Variants in PANK3 observed in about 807,000 individuals in gnomAD.
PANK3 encodes pantothenate kinase 3.
A neutral mutation model predicts 39.4 loss-of-function variants in PANK3; 20 were observed. The observed-to-expected ratio is 0.51, with a 90% CI of 0.36 to 0.74. The LOEUF is 0.74. Ranked by LOEUF, PANK3 falls within the 30% of genes least tolerant of loss-of-function variation. The pLI is 0.00. For missense variants in PANK3, 265 were observed against 437.0 expected, an observed-to-expected ratio of 0.61 and a Z score of 3.51; for synonymous variants, 140 against 157.3, an observed-to-expected ratio of 0.89 and a Z score of 0.82.
In PANK3 at chr5:168,556,503, C is replaced by A. The variant is rs1022713285; in HGVS notation, c.*1068G>T. On this transcript the variant is annotated 3_prime_UTR_variant, in exon 7 of 7. Transcript: ENST00000239231. ...TTGCCAATAACAGTATTTTAGTTAT[C>A]AGGTCTCACCATTCCCTCTGGTTGT... The A allele has an allele frequency of 2.0e-5, 3 of 152,622 alleles. No homozygotes were observed. The highest frequency in any genetic ancestry group is 7.2e-5 in the African/African-American group (3 of 41,538). 9.5% of individuals were successfully genotyped at this position (152,622 alleles called of 1,614,324 possible).
intron 5 of PANK3, among the ~76,000 whole-genome samples, chr5:168,561,190 A>C (rs988072130): frequency 6.6e-6 from 1 of 152,172 alleles, no homozygotes; most frequent in Non-Finnish European, 1.5e-5. Context: ...CTCCTATTTC[A>C]ATTTGAATTA....
At chr5:168,563,645 T>C (rs1759479218) in intron 4 of PANK3, among the ~76,000 whole-genome samples, 1 of 151,118 alleles carries the variant, frequency 6.6e-6, no homozygotes, top group Admixed American at 6.6e-5. Flanking sequence ...TATGTATTTG[T>C]ATTTGCATAA....
rs1759398576 is a variant in PANK3 at position 168,558,965 on chromosome 5, C to CAGAGCA, written c.1062+61_1062+66dup. 2.7e-6 allele frequency: 4 copies of CAGAGCA among 1,472,972 alleles called. No homozygotes were observed. The East Asian group carries it at 9.5e-5, about 35-fold the overall frequency. The allele number at this position is 1,472,972 out of a possible 1,614,324, so 91.2% of individuals were successfully genotyped here. A position where few individuals can be genotyped will look rare whatever the true frequency, so the allele number is the denominator to read the frequency against. ...TGCCACTAAACTCAAGCCTGAGTGA[C>CAGAGCA]AGAGCAAGACCCTGTCTCTTAAAAA... On this transcript the variant is annotated intron_variant, in intron 6 of 6. Coordinates refer to ENST00000239231, the MANE Select transcript of PANK3 (RefSeq NM_024594.4).
rs1759265810 is a variant in PANK3, at chr5:168,551,014, A to G, written c.*6557T>C. 6.6e-6 allele frequency: 1 copy of G among 152,188 alleles called. No homozygotes were observed. The highest frequency in any genetic ancestry group is 2.4e-5 in the African/African-American group (1 of 41,458). 9.4% of individuals were successfully genotyped at this position (152,188 alleles called of 1,614,324 possible). On this transcript the variant is annotated 3_prime_UTR_variant, in exon 7 of 7. Transcript: ENST00000239231. ...TGGAAATTAATTATTCAAAATTTAG[A>G]TATGTCAGAAAAGCTGGGATGATTG...
Position 168,556,605 on chromosome 5 carries a change from C to T in PANK3, c.*966G>A, listed in dbSNP as rs1759353942. On this transcript the variant is annotated 3_prime_UTR_variant, in exon 7 of 7. Coordinates refer to ENST00000239231, the MANE Select transcript of PANK3 (RefSeq NM_024594.4). Reference sequence around the variant, plus strand: ...AAGTGACCGTCCTCTAACTGCACCTCTATTTCTGGCTCCTCAAACAGCAAA... The same window carrying T: ...AAGTGACCGTCCTCTAACTGCACCTTTATTTCTGGCTCCTCAAACAGCAAA... The T allele has an allele frequency of 2.0e-5, 3 of 152,748 alleles. No individual in the cohort carries two copies. Among genetic ancestry groups the T allele is most frequent in the African/African-American group, 7.2e-5 (3 of 41,554 alleles). 9.5% of individuals were successfully genotyped at this position (152,748 alleles called of 1,614,324 possible). A position where few individuals can be genotyped will look rare whatever the true frequency, so the allele number is the denominator to read the frequency against.
rs1426524740 is a variant in PANK3, at chr5:168,549,378, T to C, written c.*8193A>G. ...TGAAATTCAGACATACAATGTAAAG[T>C]TGAAATAATCCCAAATTATTTTACA... On this transcript the variant is annotated 3_prime_UTR_variant, in exon 7 of 7. Transcript: ENST00000239231. 6.6e-6 allele frequency: 1 copy of C among 152,168 alleles called. No individual in the cohort carries two copies. Among genetic ancestry groups the C allele is most frequent in the Non-Finnish European group, 1.5e-5 (1 of 68,032 alleles). 9.4% of individuals were successfully genotyped at this position (152,168 alleles called of 1,614,324 possible).
Position 168,563,874 on chromosome 5 carries a change from A to T in PANK3, c.812+15T>A. The T allele has an allele frequency of 6.4e-7, 1 of 1,560,648 alleles. No homozygotes were observed. Among genetic ancestry groups the T allele is most frequent in the Non-Finnish European group, 8.7e-7 (1 of 1,155,350 alleles). ...TTAACTTCTGTAACTTAAATAACAC[A>T]AATGTTAAACTTACCTAGATGCTAC... On this transcript the variant is annotated intron_variant, in intron 4 of 6. Coordinates refer to ENST00000239231, the MANE Select transcript of PANK3 (RefSeq NM_024594.4).
chr5:168,565,026 G>A (rs992910911), intron 3 of PANK3, among the ~76,000 whole-genome samples: 2 of 152,202 alleles, frequency 1.3e-5, no homozygotes, highest in African/African-American at 4.8e-5. Context: ...CTGAATCACT[G>A]TTGGATTTAG....
intron 6 of PANK3, among the ~76,000 whole-genome samples, chr5:168,557,832 T>G (rs947256715): frequency 6.6e-6 from 1 of 152,204 alleles, no homozygotes; most frequent in Non-Finnish European, 1.5e-5. Flanking sequence ...TTATTTATTA[T>G]TATTATTTTT....
rs1488295785 is a variant in PANK3 at position 168,551,538 on chromosome 5, T to A, written c.*6033A>T. ...ATACAATATGAAAAAACTTTGCTTA[T>A]AATATACAGAGTGGTTATAAAGAAC... On this transcript the variant is annotated 3_prime_UTR_variant, in exon 7 of 7. Coordinates refer to ENST00000239231, the MANE Select transcript of PANK3 (RefSeq NM_024594.4). The A allele has an allele frequency of 6.6e-6, 1 of 152,298 alleles. No individual in the cohort carries two copies. The highest frequency in any genetic ancestry group is 3.4e-3 in the Middle Eastern group (1 of 294). The allele number at this position is 152,298 out of a possible 1,614,324, so 9.4% of individuals were successfully genotyped here.
chr5:168,567,361 T>C (rs904010001), intron 2 of PANK3, among the ~76,000 whole-genome samples: 1 of 152,196 alleles, frequency 6.6e-6, no homozygotes, highest in Non-Finnish European at 1.5e-5. Context: ...GATTAATAAC[T>C]GATACCTTAA....
rs1180592412 is a variant in PANK3, at chr5:168,561,490, T to G, written c.839A>C (p.Lys280Thr). ...SSFGNMIYKE[K>T]RESVSKEDLA... ...ATCTTCTTTACTAACAGATTCTCGC[T>G]TCTCCTTATAAATCATATTCCCAAA... is the stretch of plus-strand genomic sequence containing the variant. The change falls in exon 5 of 7, where the codon AAG becomes ACG. Residue 280 changes from lysine (K) to threonine (T), a missense_variant. Transcript: ENST00000239231. 1 of 1,588,334 alleles carries G rather than the reference T, an allele frequency of 6.3e-7. No homozygotes were observed. Among genetic ancestry groups the G allele is most frequent in the East Asian group, 2.3e-5 (1 of 43,796 alleles).
At chr5:168,565,940 T>C (rs1277821328) in intron 3 of PANK3, 73 bp downstream of exon 3, 98 of 1,395,032 alleles carry the variant, frequency 7.0e-5, no homozygotes, top group Non-Finnish European at 9.0e-5. Flanking sequence ...GAAAATGACA[T>C]TATTATACTG....
intron 1 of PANK3, among the ~76,000 whole-genome samples, chr5:168,569,279 G>A (rs1321295008): frequency 6.7e-6 from 1 of 148,558 alleles, no homozygotes; most frequent in Non-Finnish European, 1.5e-5. Flanking sequence ...CCGCCTCCCG[G>A]GTTCACGCCA....
rs376881646 is a variant in PANK3, at chr5:168,579,205, C to T, written c.28+51G>A. The T allele has an allele frequency of 5.4e-5, 79 of 1,455,920 alleles. No homozygotes were observed. The African/African-American group carries it at 1.1e-3, about 21-fold the overall frequency. 90.2% of individuals were successfully genotyped at this position (1,455,920 alleles called of 1,614,324 possible). A position where few individuals can be genotyped will look rare whatever the true frequency, so the allele number is the denominator to read the frequency against. On this transcript the variant is annotated intron_variant, in intron 1 of 6. Coordinates refer to ENST00000239231, the MANE Select transcript of PANK3 (RefSeq NM_024594.4). The stretch of plus-strand genomic sequence containing the variant: ...ACCGCCCAGCCAAGGGGCTTTCAGA[C>T]GGGGCCCAAGGGTGCCCTCCCAACC...
rs1267169592 is a variant in PANK3 at position 168,549,268 on chromosome 5, A to T, written c.*8303T>A. 4 of 152,278 alleles carry T rather than the reference A, an allele frequency of 2.6e-5. No homozygotes were observed. In the South Asian group the frequency reaches 8.3e-4, roughly 32 times the overall value. The allele number at this position is 152,278 out of a possible 1,614,324, so 9.4% of individuals were successfully genotyped here. ...TTTCTAAATGCTGTAAACTAAACTAAAACAGGTTACCCAGAAAAAAGTGGC... is the reference window on the plus strand; with the variant it reads ...TTTCTAAATGCTGTAAACTAAACTATAACAGGTTACCCAGAAAAAAGTGGC... On this transcript the variant is annotated 3_prime_UTR_variant, in exon 7 of 7. Transcript: ENST00000239231.
At chr5:168,562,204 A>G (rs1759458983) in intron 4 of PANK3, among the ~76,000 whole-genome samples, 1 of 152,164 alleles carries the variant, frequency 6.6e-6, no homozygotes, top group Non-Finnish European at 1.5e-5. Context: ...CAGGGAAAAA[A>G]TCCAAACAAA....
At chr5:168,560,510 C>A (rs1348064913) in intron 5 of PANK3, among the ~76,000 whole-genome samples, 1 of 152,182 alleles carries the variant, frequency 6.6e-6, no homozygotes, top group African/African-American at 2.4e-5. Flanking sequence ...ACCTAATACA[C>A]ACTACACAAT....
rs57306546 is a variant in PANK3, at chr5:168,565,887, T to TATATATATATATATATA, written c.635+125_635+126insTATATATATATATATAT. The stretch of plus-strand genomic sequence containing the variant: ...AAAAAAAATATATATATATATATAT[T>TATATATATATATATATA]TTTTTTTTTTGCTGTTGTGCAAATA... On this transcript the variant is annotated intron_variant, in intron 3 of 6. Coordinates refer to ENST00000239231, the MANE Select transcript of PANK3 (RefSeq NM_024594.4). 9.4e-4 allele frequency: 139 copies of TATATATATATATATATA among 147,884 alleles called. 5 individuals carry two copies. The highest frequency in any genetic ancestry group is 4.9e-3 in the South Asian group (19 of 3,846). 9.2% of individuals were successfully genotyped at this position (147,884 alleles called of 1,614,324 possible).
Sources: allele counts gnomAD v4.1 joint callset (sites outside exome capture counted in the v4.1 genomes callset), GRCh38; gene constraint gnomAD v4.1.1; transcripts MANE v1.5; gene names NCBI Gene and HGNC (gene_info 2026-07-23, HGNC 2026-07-21).